ARK2C: variants seen among roughly 807,000 people sequenced by gnomAD.
The protein encoded by ARK2C is arkadia (RNF111) C-terminal like ring finger ubiquitin ligase 2C.
the ARK2C span, among the ~76,000 whole-genome samples, chr18:46,346,061 C>A: frequency 2.0e-5 from 3 of 152,138 alleles, no homozygotes; most frequent in Non-Finnish European, 4.4e-5. Context: ...GCTATGGCAG[C>A]CATGGGGTGC....
chr18:46,348,219 G>A, the ARK2C span, among the ~76,000 whole-genome samples: 1 of 127,868 alleles, frequency 7.8e-6, no homozygotes, highest in Non-Finnish European at 1.7e-5. Flanking sequence ...GGCGTTGTGG[G>A]CCAAGGGGCT....
the ARK2C span, among the ~76,000 whole-genome samples, chr18:46,405,157 T>A: frequency 6.6e-6 from 1 of 152,190 alleles, no homozygotes; most frequent in African/African-American, 2.4e-5. Context: ...TGTGGCATAC[T>A]GGTGGGGTTG....
At chr18:46,456,427 G>A in the ARK2C span, 10 of 889,784 alleles carry the variant, frequency 1.1e-5, no homozygotes, top group Admixed American at 5.8e-5. Context: ...CCATAGCCGG[G>A]CAGTTCCCCA....
At chr18:46,406,333 A>G in the ARK2C span, among the ~76,000 whole-genome samples, 1 of 152,168 alleles carries the variant, frequency 6.6e-6, no homozygotes, top group Non-Finnish European at 1.5e-5. Context: ...CAGGCAGCCC[A>G]CACTTGGGAT....
the ARK2C span, among the ~76,000 whole-genome samples, chr18:46,340,357 T>A: frequency 6.6e-6 from 1 of 152,198 alleles, no homozygotes; most frequent in Non-Finnish European, 1.5e-5. Context: ...CTGTACTTCA[T>A]GTGTTTAGTT....
At chr18:46,406,538 T>A in the ARK2C span, among the ~76,000 whole-genome samples, 1 of 152,216 alleles carries the variant, frequency 6.6e-6, no homozygotes, top group Non-Finnish European at 1.5e-5. Context: ...ATCTGTCTCA[T>A]GCAGCTGAGG....
At chr18:46,439,282 C>T in the ARK2C span, among the ~76,000 whole-genome samples, 7,572 of 152,242 alleles carry the variant, frequency 0.05, 270 homozygotes, top group Non-Finnish European at 0.072. Flanking sequence ...CAGGGCAATG[C>T]GTAGCCAAAC....
the ARK2C span, among the ~76,000 whole-genome samples, chr18:46,361,327 A>G: frequency 6.6e-6 from 1 of 152,220 alleles, no homozygotes; most frequent in Non-Finnish European, 1.5e-5. Context: ...GAAAAAGAAC[A>G]TATTACTTCC....
the ARK2C span, among the ~76,000 whole-genome samples, chr18:46,441,936 G>A: frequency 2.0e-5 from 3 of 146,764 alleles, no homozygotes; most frequent in East Asian, 2.0e-4. Context: ...AGGCCGAGAC[G>A]GGCGGATCAC....
At chr18:46,375,529 G>A in the ARK2C span, among the ~76,000 whole-genome samples, 2 of 150,370 alleles carry the variant, frequency 1.3e-5, no homozygotes, top group African/African-American at 2.5e-5. Flanking sequence ...ACTCCAGCCT[G>A]GGTGACAGAG....
At chr18:46,380,142 C>G in the ARK2C span, among the ~76,000 whole-genome samples, 1 of 152,232 alleles carries the variant, frequency 6.6e-6, no homozygotes, top group South Asian at 2.1e-4. Flanking sequence ...GCCTTCTTCT[C>G]CATCTTCGTG....
chr18:46,377,526 G>A, the ARK2C span, among the ~76,000 whole-genome samples: 1 of 152,150 alleles, frequency 6.6e-6, no homozygotes, highest in Non-Finnish European at 1.5e-5. Flanking sequence ...GAAGCAGTGT[G>A]GGAGATGTGA....
the ARK2C span, chr18:46,335,259 G>A: frequency 1.3e-5 from 2 of 152,156 alleles, no homozygotes; most frequent in African/African-American, 4.8e-5. Flanking sequence ...CAAAGCAGCG[G>A]GCCGGCGCGG....
chr18:46,396,880 T>C, the ARK2C span, among the ~76,000 whole-genome samples: 1 of 152,226 alleles, frequency 6.6e-6, no homozygotes, highest in East Asian at 1.9e-4. Context: ...TGGGTGGATT[T>C]TCCGCTAATT....
At chr18:46,367,233 CT>C in the ARK2C span, among the ~76,000 whole-genome samples, 1 of 152,190 alleles carries the variant, frequency 6.6e-6, no homozygotes, top group Admixed American at 6.5e-5. Flanking sequence ...TCTGCTCCGC[CT>C]CCCATCCTGG....
At chr18:46,418,733 G>C in the ARK2C span, among the ~76,000 whole-genome samples, 1 of 152,316 alleles carries the variant, frequency 6.6e-6, no homozygotes, top group South Asian at 2.1e-4. Flanking sequence ...CAATTATGTG[G>C]AAAGATAGTT....
the ARK2C span, among the ~76,000 whole-genome samples, chr18:46,449,445 G>A: frequency 2.6e-5 from 4 of 151,994 alleles, no homozygotes; most frequent in African/African-American, 9.7e-5. Flanking sequence ...CCCCACCTTG[G>A]TGCTGACACA....
At chr18:46,353,131 C>G in the ARK2C span, among the ~76,000 whole-genome samples, 1 of 152,368 alleles carries the variant, frequency 6.6e-6, no homozygotes, top group South Asian at 2.1e-4. Flanking sequence ...TGTCTCATGA[C>G]TAGCTTGCAT....
the ARK2C span, among the ~76,000 whole-genome samples, chr18:46,440,968 G>A: frequency 6.6e-6 from 1 of 151,950 alleles, no homozygotes; most frequent in East Asian, 1.9e-4. Context: ...GGAAGAGGTT[G>A]TGTAGGATTG....
Sources: gnomAD v4.1 joint callset for allele counts (sites outside exome capture counted in the v4.1 genomes callset) on GRCh38, gnomAD v4.1.1 for gene constraint, MANE v1.5 for transcripts, NCBI Gene and HGNC (gene_info 2026-07-23, HGNC 2026-07-21) for gene names.